The following EPHB2 variants were observed in gnomAD, a reference collection of about 807,000 sequenced individuals.
EPHB2 encodes EPH receptor B2.
A neutral mutation model predicts 96.4 loss-of-function variants in EPHB2; 18 were observed. The observed-to-expected ratio is 0.19, with a 90% CI of 0.13 to 0.28. The LOEUF (loss-of-function observed/expected upper bound fraction) is 0.28. Ranked by LOEUF, EPHB2 falls within the 10% of genes least tolerant of loss-of-function variation. The pLI, the probability that EPHB2 is intolerant of heterozygous loss-of-function variation, is 1.00. For synonymous variants in EPHB2, 506 were observed against 534.1 expected, an observed-to-expected ratio of 0.95 and a Z score of 0.72; for missense variants, 989 against 1,355.4, an observed-to-expected ratio of 0.73 and a Z score of 4.25.
rs1446847174 is a variant in EPHB2, at chr1:22,920,925, C to CA, written c.*7356dup. 2.0e-5 allele frequency: 3 copies of CA among 152,224 alleles called. No homozygotes were observed. Among genetic ancestry groups the CA allele is most frequent in the African/African-American group, 7.2e-5 (3 of 41,448 alleles). 9.4% of individuals were successfully genotyped at this position (152,224 alleles called of 1,614,324 possible). A position where few individuals can be genotyped will look rare whatever the true frequency, so the allele number is the denominator to read the frequency against. Reference sequence around the variant, plus strand: ...CTCCCATTCCACAGACTAGCAAACTCAGAGACGTGACATGGTGGCTCTCCC... The same window carrying CA: ...CTCCCATTCCACAGACTAGCAAACTCAAGAGACGTGACATGGTGGCTCTCCC... On this transcript the variant is annotated 3_prime_UTR_variant, in exon 16 of 16. Transcript: ENST00000374630.
chr1:22,764,832 A>G (rs1265072055), intron 1 of EPHB2, among the ~76,000 whole-genome samples: 2 of 152,066 alleles, frequency 1.3e-5, no homozygotes, highest in Non-Finnish European at 1.5e-5. Flanking sequence ...GTTTGGACCT[A>G]ACACCTGGGT....
Position 22,913,156 on chromosome 1 carries a change from G to T in EPHB2, c.2853-306G>T. 2.2e-6 allele frequency: 1 copy of T among 448,064 alleles called. No homozygotes were observed. Among genetic ancestry groups the T allele is most frequent in the East Asian group, 4.5e-5 (1 of 22,260 alleles). The allele number at this position is 448,064 out of a possible 1,614,324, so 27.8% of individuals were successfully genotyped here. On this transcript the variant is annotated intron_variant, in intron 15 of 15. Transcript: ENST00000374630. This position sits in a 1 kb window ranked among gnomAD's most constrained non-coding sequence, Gnocchi z 4.1. ...TGCAGTGAGCTGAGATCACGCCACT[G>T]CACACCAGCCTGGGTGACAGAGCGA... is the stretch of plus-strand genomic sequence containing the variant.
chr1:22,843,913 TG>T (rs1645504435), intron 3 of EPHB2, among the ~76,000 whole-genome samples: 1 of 152,254 alleles, frequency 6.6e-6, no homozygotes. Flanking sequence ...ATGTGGTATT[TG>T]GTTTTGTGTT....
intron 1 of EPHB2, among the ~76,000 whole-genome samples, chr1:22,747,763 G>A (rs1421718553): frequency 5.3e-5 from 8 of 152,210 alleles, no homozygotes; most frequent in Non-Finnish European, 5.9e-5. Context: ...CCATTTGTTG[G>A]TGGCTTGAGC....
intron 1 of EPHB2, among the ~76,000 whole-genome samples, chr1:22,737,030 C>T (rs563026897): frequency 6.6e-5 from 10 of 152,170 alleles, no homozygotes; most frequent in Non-Finnish European, 1.3e-4. Context: ...ATCGGCGTGA[C>T]GAGGAATCTT....
At chr1:22,876,343 G>A (rs1175500513) in intron 5 of EPHB2, among the ~76,000 whole-genome samples, 1 of 152,078 alleles carries the variant, frequency 6.6e-6, no homozygotes, top group Non-Finnish European at 1.5e-5. Context: ...GTCCTGTCCT[G>A]GGATCCTAGT....
chr1:22,841,891 G>A (rs569740364), intron 3 of EPHB2, among the ~76,000 whole-genome samples: 1 of 152,212 alleles, frequency 6.6e-6, no homozygotes, highest in South Asian at 2.1e-4. Context: ...TGATTCCCTG[G>A]CAAAGACACA....
intron 3 of EPHB2, among the ~76,000 whole-genome samples, chr1:22,797,965 C>T (rs1185149268): frequency 6.6e-6 from 1 of 152,148 alleles, no homozygotes; most frequent in Admixed American, 6.5e-5. Context: ...AATTTTTATA[C>T]AGGCACGCAG....
intron 3 of EPHB2, among the ~76,000 whole-genome samples, chr1:22,828,578 G>T (rs963195550): frequency 6.6e-6 from 1 of 152,182 alleles, no homozygotes; most frequent in Non-Finnish European, 1.5e-5. Context: ...GGGGCTAGCA[G>T]TAGGGGAAGG....
intron 1 of EPHB2, among the ~76,000 whole-genome samples, chr1:22,723,188 G>T (rs1289149095): frequency 6.6e-6 from 1 of 152,238 alleles, no homozygotes; most frequent in Non-Finnish European, 1.5e-5. Context: ...TGTAAGTGGG[G>T]AGAAAGCGGC....
intron 3 of EPHB2, among the ~76,000 whole-genome samples, chr1:22,831,733 G>A (rs1384254673): frequency 6.6e-6 from 1 of 152,120 alleles, no homozygotes; most frequent in East Asian, 1.9e-4. Context: ...AATCCCCGTG[G>A]CAGTAGGTGG....
At chr1:22,715,931 C>T (rs781228163) in intron 1 of EPHB2, among the ~76,000 whole-genome samples, 2 of 152,234 alleles carry the variant, frequency 1.3e-5, no homozygotes, top group African/African-American at 2.4e-5. Flanking sequence ...ATGCTGTGGA[C>T]ATTAAATGCT....
intron 3 of EPHB2, among the ~76,000 whole-genome samples, chr1:22,802,404 G>T (rs1288218786): frequency 3.3e-5 from 5 of 152,102 alleles, no homozygotes; most frequent in Non-Finnish European, 7.4e-5. Flanking sequence ...TATGATGGAG[G>T]TGGGGACCCT....
chr1:22,711,620 C>T (rs1387049702), intron 1 of EPHB2, among the ~76,000 whole-genome samples: 1 of 151,908 alleles, frequency 6.6e-6, no homozygotes, highest in Non-Finnish European at 1.5e-5. Context: ...CCATCGCCCG[C>T]GGCGTACAAT....
intron 5 of EPHB2, among the ~76,000 whole-genome samples, chr1:22,879,375 C>T (rs1455921436): frequency 6.6e-6 from 1 of 152,216 alleles, no homozygotes; most frequent in Non-Finnish European, 1.5e-5. Flanking sequence ...TGTTGTTTCA[C>T]TGGGACACCG....
rs1240565870 is a variant in EPHB2 at position 22,858,582 on chromosome 1, T to C, written c.812-4455T>C. Among the ~76,000 whole-genome samples the C allele has an allele frequency of 2.0e-5, 3 of 152,278 alleles. No individual in the cohort carries two copies. In the East Asian group the frequency reaches 5.8e-4, roughly 29 times the overall value. On this transcript the variant is annotated intron_variant, in intron 3 of 15. Transcript: ENST00000374630. The surrounding 1 kb of genome is among the most constrained non-coding windows in gnomAD (Gnocchi z 7.7). ...CTGCCTTCCTGTGTTTCAGGTCTCA[T>C]TGTCTTCTTCCCACTTCTGCACGTG...
At chr1:22,901,787 T>C (rs1321863352) in intron 9 of EPHB2, among the ~76,000 whole-genome samples, 3 of 150,644 alleles carry the variant, frequency 2.0e-5, no homozygotes, top group Non-Finnish European at 4.4e-5. Context: ...ATTAGCTGTT[T>C]TGATGTCATT....
At chr1:22,880,344 C>A (rs1423990262) in intron 5 of EPHB2, among the ~76,000 whole-genome samples, 3 of 152,218 alleles carry the variant, frequency 2.0e-5, no homozygotes, top group Admixed American at 6.5e-5. Flanking sequence ...GGTCAGAGCC[C>A]CTGCAGAGCA....
rs955735213 is a variant in EPHB2 at position 22,906,416 on chromosome 1, C to A, written c.1889-294C>A. On this transcript the variant is annotated intron_variant, in intron 10 of 15. Coordinates refer to ENST00000374630, the MANE Select transcript of EPHB2 (RefSeq NM_017449.5). The surrounding 1 kb of genome is among the most constrained non-coding windows in gnomAD (Gnocchi z 4.8). The stretch of plus-strand genomic sequence containing the variant: ...GGTCCAGTGCTTTTCCTTCCTCCCC[C>A]CATGTATCCCAGTGCCTTTTCCCAT... Among the ~76,000 whole-genome samples, 29 of 152,136 alleles carry A rather than the reference C, an allele frequency of 1.9e-4. No individual in the cohort carries two copies. The highest frequency in any genetic ancestry group is 6.8e-4 in the African/African-American group (28 of 41,422).
Sources: allele counts gnomAD v4.1 joint callset (sites outside exome capture counted in the v4.1 genomes callset), GRCh38; gene constraint gnomAD v4.1.1; non-coding constraint Gnocchi (gnomAD v3.1); transcripts MANE v1.5; gene names NCBI Gene and HGNC (gene_info 2026-07-23, HGNC 2026-07-21).